Variants in CALN1 observed in about 807,000 individuals in gnomAD.
CALN1 encodes calcium-binding protein 8.
In CALN1, 17 loss-of-function variants were observed where a neutral mutation model predicts 30.6. That is an observed-to-expected ratio of 0.56 (90% CI 0.38 to 0.83). The LOEUF is 0.83. Ranked by LOEUF, CALN1 falls within the 40% of genes least tolerant of loss-of-function variation. The pLI is 0.00. For synonymous variants in CALN1, 156 were observed against 131.4 expected (o/e 1.19, Z -1.28); for missense variants, 291 against 354.9 (o/e 0.82, Z 1.45).
intron 4 of CALN1, among the ~76,000 whole-genome samples, chr7:72,032,925 A>G (rs1801554473): frequency 6.6e-6 from 1 of 152,192 alleles, no homozygotes; most frequent in Admixed American, 6.5e-5. Flanking sequence ...CCAAAAGACA[A>G]TGGTGAGTCT....
At chr7:72,268,828 G>C (rs971529809) in intron 3 of CALN1, among the ~76,000 whole-genome samples, 31 of 69,184 alleles carry the variant, frequency 4.5e-4, no homozygotes, top group Admixed American at 3.5e-3. Context: ...CACACACACA[G>C]AACTAATTGT....
chr7:72,076,649 C>CAAAAAAAAAAAAAAAAAAA (rs1224166514), intron 4 of CALN1, among the ~76,000 whole-genome samples: 1 of 47,840 alleles, frequency 2.1e-5, no homozygotes, highest in African/African-American at 8.0e-5. Flanking sequence ...AAAAAAAAAG[C>CAAAAAAAAAAAAAAAAAAA]AAAGACATGC....
chr7:72,410,611 T>A (rs963303587), intron 1 of CALN1, among the ~76,000 whole-genome samples: 2 of 152,246 alleles, frequency 1.3e-5, no homozygotes, highest in Non-Finnish European at 1.5e-5. Context: ...GGAGCCCTAA[T>A]GTCCCTTCAT....
Position 72,043,155 on chromosome 7 carries a change from C to G in CALN1, c.389-19386G>C, listed in dbSNP as rs116693520. On this transcript the variant is annotated intron_variant, in intron 4 of 6. Transcript: ENST00000395275. Reference sequence around the variant, plus strand: ...AACTCTGTGCAGTGCAAGGGTGCTGCTGTTATTCTGAAAGAACTAGCACAG... The same window carrying G: ...AACTCTGTGCAGTGCAAGGGTGCTGGTGTTATTCTGAAAGAACTAGCACAG... Among the ~76,000 whole-genome samples, 277 of 152,264 alleles carry G rather than the reference C, an allele frequency of 1.8e-3. 1 individual carries two copies. The highest frequency in any genetic ancestry group is 6.2e-3 in the African/African-American group (259 of 41,552).
intron 2 of CALN1, among the ~76,000 whole-genome samples, chr7:72,400,707 G>A (rs1022471183): frequency 2.0e-5 from 3 of 152,220 alleles, no homozygotes; most frequent in African/African-American, 7.2e-5. Flanking sequence ...CCGTCTCCAC[G>A]AAAAATATAA....
In CALN1 at chr7:72,067,997, G is replaced by C. The variant is rs1256145870; in HGVS notation, c.388+38154C>G. 2.0e-5 allele frequency among the ~76,000 whole-genome samples: 3 copies of C among 152,146 alleles called. No individual in the cohort carries two copies. The East Asian group carries it at 5.8e-4, about 29-fold the overall frequency. On this transcript the variant is annotated intron_variant, in intron 4 of 6. Coordinates refer to ENST00000395275, the MANE Select transcript of CALN1 (RefSeq NM_031468.4). Reference sequence around the variant, plus strand: ...TATCTTAGTCATTATTTACAAGTCTGGCTTGGCTACCAGATAATGAGGTAA... The same window carrying C: ...TATCTTAGTCATTATTTACAAGTCTCGCTTGGCTACCAGATAATGAGGTAA...
chr7:72,078,936 A>AAAAC (rs773756559), intron 4 of CALN1, among the ~76,000 whole-genome samples: 50 of 152,202 alleles, frequency 3.3e-4, no homozygotes, highest in Non-Finnish European at 6.2e-4. Context: ...CTCAAAAAAC[A>AAAAC]AAACAAACAA....
intron 3 of CALN1, among the ~76,000 whole-genome samples, chr7:72,164,467 G>T (rs1051578529): frequency 2.6e-5 from 4 of 152,044 alleles, no homozygotes; most frequent in Non-Finnish European, 5.9e-5. Flanking sequence ...GGCAAAGATT[G>T]CTGAAAACCA....
intron 3 of CALN1, among the ~76,000 whole-genome samples, chr7:72,239,183 G>A (rs1358092317): frequency 6.6e-6 from 1 of 152,114 alleles, no homozygotes; most frequent in Non-Finnish European, 1.5e-5. Context: ...GATCACTAGA[G>A]GCCAGGAGCT....
chr7:71,834,963 T>A (rs1031147426), intron 5 of CALN1, among the ~76,000 whole-genome samples: 5 of 152,166 alleles, frequency 3.3e-5, no homozygotes, highest in African/African-American at 4.8e-5. Flanking sequence ...TTTCGAGTAG[T>A]TGGGACTATG....
intron 2 of CALN1, among the ~76,000 whole-genome samples, chr7:72,385,580 A>G (rs1409361828): frequency 6.6e-6 from 1 of 152,172 alleles, no homozygotes; most frequent in Non-Finnish European, 1.5e-5. Context: ...GTTATAAAAA[A>G]GAAATGCCAT....
At chr7:71,799,528 C>T (rs896425801) in intron 6 of CALN1, among the ~76,000 whole-genome samples, 4 of 151,900 alleles carry the variant, frequency 2.6e-5, no homozygotes, top group Admixed American at 6.6e-5. Flanking sequence ...TGCAATGGTG[C>T]GATCTCAGTT....
In CALN1 at chr7:71,787,529, C is replaced by A; in HGVS notation, c.*246G>T. On this transcript the variant is annotated 3_prime_UTR_variant, in exon 7 of 7. Coordinates refer to ENST00000395275, the MANE Select transcript of CALN1 (RefSeq NM_031468.4). ...TGAAGCAATAATTTGGAAATCCTGG[C>A]GATTTATTGCATTAGAAAACAAAAC... The A allele has an allele frequency of 7.1e-6, 3 of 421,536 alleles. No homozygotes were observed. Among genetic ancestry groups the A allele is most frequent in the Non-Finnish European group, 1.3e-5 (3 of 233,570 alleles). The allele number at this position is 421,536 out of a possible 1,614,324, so 26.1% of individuals were successfully genotyped here.
intron 2 of CALN1, among the ~76,000 whole-genome samples, chr7:72,315,192 A>G (rs1408527189): frequency 6.6e-6 from 1 of 151,982 alleles, no homozygotes; most frequent in African/African-American, 2.4e-5. Context: ...TTAAAAAGTA[A>G]TACTAAAGAA....
At chr7:72,125,065 G>A (rs765442875) in intron 3 of CALN1, among the ~76,000 whole-genome samples, 2 of 152,072 alleles carry the variant, frequency 1.3e-5, no homozygotes, top group Admixed American at 6.5e-5. Context: ...GTCTCACTTT[G>A]TCACCTGGGC....
At chr7:72,372,638 T>C (rs1042800858) in intron 2 of CALN1, among the ~76,000 whole-genome samples, 10 of 152,166 alleles carry the variant, frequency 6.6e-5, no homozygotes, top group Admixed American at 3.9e-4. Flanking sequence ...AACTAGTCAC[T>C]GGCGTCACAC....
At chr7:71,976,188 G>A (rs1464259584) in intron 5 of CALN1, among the ~76,000 whole-genome samples, 1 of 152,072 alleles carries the variant, frequency 6.6e-6, no homozygotes, top group African/African-American at 2.4e-5. Flanking sequence ...AGGATACACT[G>A]ATGTAAAACA....
rs1161752560 is a variant in CALN1 at position 71,787,767 on chromosome 7, G to A, written c.*8C>T. On this transcript the variant is annotated 3_prime_UTR_variant, in exon 7 of 7. Transcript: ENST00000395275. ...GAGCTGCAACACAGTGTGGCTGGCG[G>A]GAGGCTGCTACTCCATGCCGCTCCG... 5 of 1,613,494 alleles carry A rather than the reference G, an allele frequency of 3.1e-6. No individual in the cohort carries two copies. Among genetic ancestry groups the A allele is most frequent in the Non-Finnish European group, 3.4e-6 (4 of 1,179,900 alleles).
chr7:71,995,807 T>C (rs1049880343), intron 5 of CALN1, among the ~76,000 whole-genome samples: 1 of 151,246 alleles, frequency 6.6e-6, no homozygotes, highest in Non-Finnish European at 1.5e-5. Flanking sequence ...GAATCCACTA[T>C]ACTGTTGCCC....
Sources: gnomAD v4.1 joint callset for allele counts (sites outside exome capture counted in the v4.1 genomes callset) on GRCh38, gnomAD v4.1.1 for gene constraint, MANE v1.5 for transcripts, NCBI Gene and HGNC (gene_info 2026-07-23, HGNC 2026-07-21) for gene names.